Variants in VWA8 observed in about 807,000 individuals in gnomAD.
VWA8 encodes the protein von Willebrand factor A domain containing 8, also known as von Willebrand factor A domain-containing protein 8.
VWA8 carries 221 observed loss-of-function variants against 241.5 expected under a neutral mutation model. The ratio of observed to expected loss-of-function variants is 0.91; its 90% CI spans 0.82 to 1.02. The LOEUF is 1.02. VWA8 is among the 50% of genes least tolerant of loss of function. The pLI, the probability that VWA8 is intolerant of heterozygous loss-of-function variation, is 0.00. For synonymous variants in VWA8, 852 were observed against 827.1 expected (o/e 1.03, Z -0.52); for missense variants, 2,322 against 2,328.7 (o/e 1.00, Z 0.06).
At chr13:41,733,651 A>G (rs1209983614) in intron 21 of VWA8, among the ~76,000 whole-genome samples, 1 of 152,110 alleles carries the variant, frequency 6.6e-6, no homozygotes, top group Non-Finnish European at 1.5e-5. Context: ...CCTTTTGTAG[A>G]GCAGCTTAGG....
At chr13:41,807,075 C>T (rs771239605) in intron 17 of VWA8, among the ~76,000 whole-genome samples, 1 of 151,764 alleles carries the variant, frequency 6.6e-6, no homozygotes, top group African/African-American at 2.4e-5. Context: ...TATGCCAACA[C>T]ATCGGAACAC....
At chr13:41,766,662 T>C (rs1455526939) in intron 20 of VWA8, among the ~76,000 whole-genome samples, 1 of 152,228 alleles carries the variant, frequency 6.6e-6, no homozygotes, top group East Asian at 1.9e-4. Flanking sequence ...AGCCTTCTGA[T>C]AAAATGTTCC....
At chr13:41,949,252 A>C (rs1317087949) in intron 2 of VWA8, among the ~76,000 whole-genome samples, 1 of 152,186 alleles carries the variant, frequency 6.6e-6, no homozygotes, top group African/African-American at 2.4e-5. Flanking sequence ...TAGACTGGAT[A>C]AAGAAAATGT....
At chr13:41,929,039 CAG>C (rs139348359) in intron 2 of VWA8, among the ~76,000 whole-genome samples, 3,153 of 151,406 alleles carry the variant, frequency 0.021, 110 homozygotes, top group African/African-American at 0.07. Context: ...GCATTCTTCA[CAG>C]ATAGAAAAAA....
intron 2 of VWA8, chr13:41,926,259 C>G: frequency 1.2e-5 from 8 of 666,360 alleles, no homozygotes; most frequent in Non-Finnish European, 2.3e-5. Context: ...CCTCAAAGAC[C>G]AGGAAACAAG....
At chr13:41,680,959 C>A (rs1029916251) in intron 35 of VWA8, among the ~76,000 whole-genome samples, 5 of 152,224 alleles carry the variant, frequency 3.3e-5, no homozygotes, top group Non-Finnish European at 7.3e-5. Context: ...TGTAGTCAGG[C>A]TCTTCTGAAT....
At chr13:41,649,652 G>A (rs1490848289) in intron 37 of VWA8, among the ~76,000 whole-genome samples, 1 of 150,258 alleles carries the variant, frequency 6.7e-6, no homozygotes, top group African/African-American at 2.5e-5. Context: ...ATTTCCAAAG[G>A]TTTATTGCTG....
intron 42 of VWA8, among the ~76,000 whole-genome samples, chr13:41,581,369 G>C (rs1305642047): frequency 3.9e-5 from 6 of 152,186 alleles, no homozygotes; most frequent in Non-Finnish European, 8.8e-5. Context: ...CAGAGCCTGT[G>C]AGAAATAATA....
chr13:41,852,669 T>C (rs917292201), intron 12 of VWA8, among the ~76,000 whole-genome samples: 17 of 152,292 alleles, frequency 1.1e-4, no homozygotes, highest in Admixed American at 9.2e-4. Flanking sequence ...ATCATTGTTC[T>C]GCATGTGGAT....
chr13:41,830,115 C>A (rs1293534983), intron 14 of VWA8, among the ~76,000 whole-genome samples: 1 of 151,238 alleles, frequency 6.6e-6, no homozygotes, highest in African/African-American at 2.4e-5. Flanking sequence ...TAGTGGCGGG[C>A]GCCTGTGTTC....
chr13:41,669,060 C>T (rs1038149462), intron 37 of VWA8, among the ~76,000 whole-genome samples: 2 of 152,094 alleles, frequency 1.3e-5, no homozygotes, highest in African/African-American at 2.4e-5. Context: ...CTCCACCTCC[C>T]AGGTTCAAGC....
chr13:41,695,584 G>C (rs2045210780), intron 29 of VWA8, among the ~76,000 whole-genome samples: 1 of 152,108 alleles, frequency 6.6e-6, no homozygotes, highest in African/African-American at 2.4e-5. Context: ...CTGACATCTT[G>C]ACAGAGGTAT....
intron 2 of VWA8, 79 bp from the exon 3 acceptor site, chr13:41,912,247 TTATATA>T: frequency 4.1e-6 from 4 of 983,308 alleles, no homozygotes; most frequent in Non-Finnish European, 5.5e-6. Flanking sequence ...GTGGACATAT[TTATATA>T]TATATATAAC....
Position 41,886,557 on chromosome 13 carries a change from CTATACCATGTT to C in VWA8, c.866+213_866+223del, listed in dbSNP as rs1874548648. Among the ~76,000 whole-genome samples, 4 of 152,306 alleles carry C rather than the reference CTATACCATGTT, an allele frequency of 2.6e-5. No homozygotes were observed. The South Asian group carries it at 8.3e-4, about 32-fold the overall frequency. On this transcript the variant is annotated intron_variant, in intron 7 of 44. Transcript: ENST00000379310. ...AAATATTTTCAAATTATGGCACTTA[CTATACCATGTT>C]AACCAAAGCTATTCACATATCTTTC...
intron 26 of VWA8, among the ~76,000 whole-genome samples, chr13:41,708,021 T>G (rs1008692879): frequency 3.9e-5 from 6 of 152,158 alleles, no homozygotes; most frequent in South Asian, 2.1e-4. Flanking sequence ...GAAAAAATTT[T>G]AGAGAGAGCA....
intron 14 of VWA8, among the ~76,000 whole-genome samples, chr13:41,829,803 C>A (rs890170908): frequency 1.3e-5 from 2 of 151,802 alleles, no homozygotes; most frequent in Non-Finnish European, 2.9e-5. Context: ...TTGTGGGGGG[C>A]GGTGAGGGAT....
chr13:41,736,755 CAAT>C (rs1167535557), intron 21 of VWA8, among the ~76,000 whole-genome samples: 1 of 150,298 alleles, frequency 6.7e-6, no homozygotes, highest in East Asian at 1.9e-4. Context: ...ATGGTCCACG[CAAT>C]AATACGAGCC....
intron 4 of VWA8, among the ~76,000 whole-genome samples, chr13:41,904,082 T>G (rs1347642670): frequency 6.6e-6 from 1 of 152,138 alleles, no homozygotes; most frequent in Non-Finnish European, 1.5e-5. Context: ...TTATAAACTT[T>G]ATAAACTAAA....
At chr13:41,648,679 C>T (rs2044848924) in intron 37 of VWA8, among the ~76,000 whole-genome samples, 1 of 152,172 alleles carries the variant, frequency 6.6e-6, no homozygotes. Flanking sequence ...TACAGACCTA[C>T]AAAAACTTTT....
Sources: gnomAD v4.1 joint callset for allele counts (sites outside exome capture counted in the v4.1 genomes callset) on GRCh38, gnomAD v4.1.1 for gene constraint, MANE v1.5 for transcripts, NCBI Gene and HGNC (gene_info 2026-07-23, HGNC 2026-07-21) for gene names.